Variants in OLA1 observed in about 807,000 individuals in gnomAD.
OLA1 encodes the protein obg-like ATPase 1.
Under a neutral mutation model 48.4 loss-of-function variants are expected in OLA1, and 14 were observed. The ratio of observed to expected loss-of-function variants is 0.29; its 90% confidence interval spans 0.19 to 0.45. The LOEUF (loss-of-function observed/expected upper bound fraction) is 0.45. OLA1 is among the 20% of genes least tolerant of loss of function. OLA1 has a pLI of 1.00. For missense variants in OLA1, 325 were observed against 467.1 expected (o/e 0.70, Z 2.80); for synonymous variants, 127 against 150.4 (o/e 0.84, Z 1.14).
At chr2:174,237,123 A>C (rs13384779) in intron 2 of OLA1, among the ~76,000 whole-genome samples, 6,099 of 152,236 alleles carry the variant, frequency 0.04, 451 homozygotes, top group African/African-American at 0.14. Context: ...ATAGCTGTAC[A>C]AAAATATTTT....
At chr2:174,189,767 T>G (rs1437088734) in intron 4 of OLA1, among the ~76,000 whole-genome samples, 3 of 151,948 alleles carry the variant, frequency 2.0e-5, no homozygotes, top group Non-Finnish European at 4.4e-5. Context: ...AACAATCCCA[T>G]TTTTGTAAAT....
chr2:174,182,400 C>A (rs1687567463), intron 4 of OLA1, among the ~76,000 whole-genome samples: 2 of 152,064 alleles, frequency 1.3e-5, no homozygotes, highest in African/African-American at 4.8e-5. Flanking sequence ...GTGGCACATG[C>A]CTGTAATTCC....
chr2:174,144,942 AAAAAAAAAAATATATATATAT>A (rs1401219115), intron 4 of OLA1, among the ~76,000 whole-genome samples: 6 of 75,834 alleles, frequency 7.9e-5, no homozygotes, highest in Non-Finnish European at 1.6e-4. Flanking sequence ...AAAAAAAAAA[AAAAAAAAAAATATATATATAT>A]ATATATATAT....
At chr2:174,131,243 C>T (rs990197352) in intron 5 of OLA1, among the ~76,000 whole-genome samples, 2 of 152,084 alleles carry the variant, frequency 1.3e-5, no homozygotes, top group Non-Finnish European at 2.9e-5. Flanking sequence ...CGTCTGGCTT[C>T]TTCTGCTCAA....
intron 2 of OLA1, among the ~76,000 whole-genome samples, chr2:174,232,306 T>A (rs1057082147): frequency 3.3e-5 from 5 of 152,186 alleles, no homozygotes; most frequent in Admixed American, 1.3e-4. Flanking sequence ...GAATTAACTA[T>A]TTATATATAA....
intron 4 of OLA1, among the ~76,000 whole-genome samples, chr2:174,154,440 C>A (rs1040850947): frequency 1.3e-5 from 2 of 152,182 alleles, no homozygotes; most frequent in Non-Finnish European, 2.9e-5. Flanking sequence ...TCATGTTCAA[C>A]TGTCACTGTA....
intron 4 of OLA1, among the ~76,000 whole-genome samples, chr2:174,161,681 T>TACACACACAC (rs55713860): frequency 7.1e-6 from 1 of 141,112 alleles, no homozygotes; most frequent in African/African-American, 2.6e-5. Context: ...AAAAAAAAAA[T>TACACACACAC]ACACACACAC....
chr2:174,144,951 A>AAAAAAAATATATATATATATAT (rs1181030817), intron 4 of OLA1, among the ~76,000 whole-genome samples: 1 of 40,278 alleles, frequency 2.5e-5, no homozygotes, highest in Non-Finnish European at 4.0e-5. Context: ...AAAAAAAAAA[A>AAAAAAAATATATATATATATAT]ATATATATAT....
chr2:174,121,050 C>G (rs1685903646), intron 7 of OLA1, among the ~76,000 whole-genome samples: 1 of 152,140 alleles, frequency 6.6e-6, no homozygotes, highest in Admixed American at 6.5e-5. Flanking sequence ...AAGATGCTAA[C>G]ACAATTAAAA....
At chr2:174,170,703 G>A (rs74346950) in intron 4 of OLA1, among the ~76,000 whole-genome samples, 20,393 of 152,176 alleles carry the variant, frequency 0.13, 1,807 homozygotes, top group Non-Finnish European at 0.2. Context: ...TTCAAGATCA[G>A]CCGAGGCAAC....
intron 4 of OLA1, among the ~76,000 whole-genome samples, chr2:174,158,315 C>A (rs563805251): frequency 2.0e-5 from 3 of 151,860 alleles, no homozygotes; most frequent in Non-Finnish European, 2.9e-5. Flanking sequence ...ATACAGTGAT[C>A]GCATATTTTA....
chr2:174,206,089 T>A (rs898524074), intron 4 of OLA1, among the ~76,000 whole-genome samples: 32 of 152,288 alleles, frequency 2.1e-4, no homozygotes, highest in African/African-American at 7.5e-4. Context: ...GAAATGAAGA[T>A]TCACTTTAAT....
At chr2:174,196,976 A>C (rs1687891267) in intron 4 of OLA1, among the ~76,000 whole-genome samples, 1 of 152,238 alleles carries the variant, frequency 6.6e-6, no homozygotes, top group African/African-American at 2.4e-5. Context: ...ATATGTTGCC[A>C]GTGTATTCTA....
chr2:174,125,536 A>C (rs1686028484), intron 5 of OLA1, among the ~76,000 whole-genome samples: 1 of 152,224 alleles, frequency 6.6e-6, no homozygotes, highest in Non-Finnish European at 1.5e-5. Flanking sequence ...AAAGCCAAAC[A>C]AAAAATAGGG....
intron 4 of OLA1, among the ~76,000 whole-genome samples, chr2:174,179,058 C>A (rs1687476582): frequency 6.6e-6 from 1 of 151,748 alleles, no homozygotes; most frequent in Non-Finnish European, 1.5e-5. Flanking sequence ...TTTTAAAGAG[C>A]AAATGCGAGT....
At chr2:174,216,696 G>A (rs556868422) in intron 4 of OLA1, among the ~76,000 whole-genome samples, 2 of 151,844 alleles carry the variant, frequency 1.3e-5, no homozygotes, top group South Asian at 2.1e-4. Flanking sequence ...AGGACTACAG[G>A]TGCACGCCAC....
chr2:174,212,960 G>A (rs1688277251), intron 4 of OLA1, among the ~76,000 whole-genome samples: 1 of 152,138 alleles, frequency 6.6e-6, no homozygotes, highest in Non-Finnish European at 1.5e-5. Flanking sequence ...ACACTCTAAC[G>A]AGAAAAAGTA....
intron 2 of OLA1, among the ~76,000 whole-genome samples, chr2:174,232,835 G>A (rs560724446): frequency 1.3e-5 from 2 of 152,108 alleles, no homozygotes; most frequent in Non-Finnish European, 2.9e-5. Flanking sequence ...ATTACCATAC[G>A]ATCCAGCAAT....
chr2:174,081,307 A>G lies in OLA1; in HGVS notation c.870-59T>C. On this transcript the variant is annotated intron_variant, in intron 8 of 10. Coordinates refer to ENST00000284719, the MANE Select transcript of OLA1 (RefSeq NM_013341.5). ...TAAGTTGATTGTGCCAGAAATTGGT[A>G]TAGAGCTAAAATTATTCATTTCAAG... 3 of 1,259,804 alleles carry G rather than the reference A, an allele frequency of 2.4e-6. No homozygotes were observed. In the South Asian group the frequency reaches 3.6e-5, roughly 15 times the overall value. 78.0% of individuals were successfully genotyped at this position (1,259,804 alleles called of 1,614,324 possible).
Sources: gnomAD v4.1 joint callset for allele counts (sites outside exome capture counted in the v4.1 genomes callset) on GRCh38, gnomAD v4.1.1 for gene constraint, MANE v1.5 for transcripts, NCBI Gene and HGNC (gene_info 2026-07-23, HGNC 2026-07-21) for gene names.